Variants in PTPRD observed in about 807,000 individuals in gnomAD.
PTPRD encodes protein tyrosine phosphatase receptor type D, also known as receptor-type tyrosine-protein phosphatase delta.
PTPRD carries 34 observed loss-of-function variants against 214.5 expected under a neutral mutation model. The observed-to-expected ratio is 0.16, with a 90% confidence interval of 0.12 to 0.21. The LOEUF (loss-of-function observed/expected upper bound fraction) is 0.21, where lower values mean the gene tolerates loss of function less well. Ranked by LOEUF, PTPRD falls within the 10% of genes least tolerant of loss-of-function variation. The pLI, the probability that PTPRD is intolerant of heterozygous loss-of-function variation, is 1.00. For missense variants in PTPRD, 2,545 were observed against 2,398.7 expected, an observed-to-expected ratio of 1.06 and a Z score of -1.27; for synonymous variants, 1,128 against 845.7, an observed-to-expected ratio of 1.33 and a Z score of -5.79.
At chr9:9,825,091 A>G (rs1269498761) in intron 5 of PTPRD, among the ~76,000 whole-genome samples, 1 of 151,974 alleles carries the variant, frequency 6.6e-6, no homozygotes, top group Non-Finnish European at 1.5e-5. Flanking sequence ...AAATGTGATC[A>G]TCTGATACTG....
chr9:8,634,666 T>C (rs1214951390), intron 13 of PTPRD, among the ~76,000 whole-genome samples: 1 of 152,068 alleles, frequency 6.6e-6, no homozygotes, highest in African/African-American at 2.4e-5. Context: ...AAAAGTTTCA[T>C]AGTTTCATAT....
At chr9:8,935,439 G>A (rs1326150615) in intron 11 of PTPRD, among the ~76,000 whole-genome samples, 2 of 123,680 alleles carry the variant, frequency 1.6e-5, no homozygotes, top group Non-Finnish European at 3.5e-5. Context: ...AAACACTGTG[G>A]TGCCTACCTT....
At chr9:10,096,147 C>T (rs2098481700) in intron 3 of PTPRD, among the ~76,000 whole-genome samples, 2 of 151,624 alleles carry the variant, frequency 1.3e-5, no homozygotes, top group Admixed American at 6.6e-5. Flanking sequence ...AAATATCATA[C>T]AGGCAATAAT....
At chr9:8,928,335 G>T (rs567632354) in intron 11 of PTPRD, among the ~76,000 whole-genome samples, 1 of 152,056 alleles carries the variant, frequency 6.6e-6, no homozygotes, top group Non-Finnish European at 1.5e-5. Context: ...TATGGTTTTA[G>T]GTCTAACATT....
intron 3 of PTPRD, among the ~76,000 whole-genome samples, chr9:10,151,332 G>A (rs1247686551): frequency 2.3e-5 from 3 of 133,128 alleles, no homozygotes; most frequent in East Asian, 2.3e-4. Context: ...GTGCGATCTC[G>A]GCTCACTGCA....
intron 9 of PTPRD, among the ~76,000 whole-genome samples, chr9:9,317,065 A>C (rs1281571730): frequency 2.0e-5 from 3 of 152,178 alleles, no homozygotes; most frequent in Non-Finnish European, 2.9e-5. Context: ...CTGATCTAGA[A>C]GCTTGTTTCA....
intron 14 of PTPRD, among the ~76,000 whole-genome samples, chr9:8,590,841 C>G (rs2094040472): frequency 6.6e-6 from 1 of 152,170 alleles, no homozygotes; most frequent in Admixed American, 6.5e-5. Flanking sequence ...CTGTCACAAA[C>G]TCGATGGCTT....
intron 4 of PTPRD, among the ~76,000 whole-genome samples, chr9:9,972,862 T>C (rs2095190901): frequency 1.3e-5 from 2 of 152,158 alleles, no homozygotes. Context: ...AGCCTTCTGA[T>C]TACATTTTGC....
intron 35 of PTPRD, among the ~76,000 whole-genome samples, chr9:8,411,396 C>T (rs1003419616): frequency 2.0e-5 from 3 of 151,936 alleles, no homozygotes; most frequent in Admixed American, 1.3e-4. Flanking sequence ...CTCTGCCTCC[C>T]GGGTTCAAGC....
In PTPRD at chr9:8,471,089, C is replaced by A; in HGVS notation, c.3414-4G>T. ...CACAATTATTATGTAGTAACCTCTGCACAAGAATGAATAGATAAAAGTTAG... is the reference window on the plus strand; with the variant it reads ...CACAATTATTATGTAGTAACCTCTGAACAAGAATGAATAGATAAAAGTTAG... On this transcript the variant is annotated splice_polypyrimidine_tract_variant and splice_region_variant and intron_variant, in intron 30 of 45. Transcript: ENST00000381196. The A allele has an allele frequency of 6.2e-7, 1 of 1,611,486 alleles. No homozygotes were observed. The highest frequency in any genetic ancestry group is 8.5e-7 in the Non-Finnish European group (1 of 1,177,814).
At chr9:9,601,169 GGAGA>G (rs982097736) in intron 7 of PTPRD, among the ~76,000 whole-genome samples, 2 of 148,284 alleles carry the variant, frequency 1.3e-5, no homozygotes, top group African/African-American at 2.5e-5. Context: ...GGGAGAGTGG[GGAGA>G]GAGAGAGAAA....
chr9:10,217,740 T>C (rs2099548035), intron 3 of PTPRD, among the ~76,000 whole-genome samples: 1 of 151,952 alleles, frequency 6.6e-6, no homozygotes, highest in African/African-American at 2.4e-5. Context: ...TATATAATAA[T>C]GGCCTATCAT....
intron 12 of PTPRD, among the ~76,000 whole-genome samples, chr9:8,647,620 A>C (rs1320411334): frequency 2.0e-5 from 3 of 152,196 alleles, no homozygotes; most frequent in Non-Finnish European, 4.4e-5. Flanking sequence ...ACATATATGT[A>C]ATTCCTATAT....
chr9:8,577,413 A>G (rs1252592226), intron 14 of PTPRD, among the ~76,000 whole-genome samples: 2 of 151,912 alleles, frequency 1.3e-5, no homozygotes, highest in African/African-American at 2.4e-5. Context: ...GTGCCACCAC[A>G]CCCAGAAAAA....
intron 11 of PTPRD, among the ~76,000 whole-genome samples, chr9:8,841,715 A>AAG (rs2097561502): frequency 6.6e-6 from 1 of 151,516 alleles, no homozygotes; most frequent in African/African-American, 2.4e-5. Flanking sequence ...AGTGACTTAA[A>AAG]AAAAAAATGA....
intron 8 of PTPRD, among the ~76,000 whole-genome samples, chr9:9,501,856 C>T (rs575276631): frequency 2.7e-4 from 41 of 151,806 alleles, no homozygotes; most frequent in African/African-American, 8.4e-4. Context: ...ATATAGTAAA[C>T]GGAAAAATAT....
chr9:10,403,227 A>AATATAT (rs58712564), intron 2 of PTPRD, among the ~76,000 whole-genome samples: 2,921 of 59,774 alleles, frequency 0.049, 295 homozygotes, highest in East Asian at 0.27. Flanking sequence ...TGTGTGTGTA[A>AATATAT]ATATATATAT....
At chr9:9,746,308 G>T (rs1243841603) in intron 6 of PTPRD, among the ~76,000 whole-genome samples, 1 of 152,096 alleles carries the variant, frequency 6.6e-6, no homozygotes, top group Admixed American at 6.6e-5. Context: ...ATCATTACTA[G>T]ATTGGAAAGT....
At chr9:8,673,262 T>C (rs190561792) in intron 12 of PTPRD, among the ~76,000 whole-genome samples, 422 of 152,218 alleles carry the variant, frequency 2.8e-3, no homozygotes, top group African/African-American at 9.2e-3. Flanking sequence ...AAGTAGAAAT[T>C]GCACAAAACA....
Sources: allele counts gnomAD v4.1 joint callset (sites outside exome capture counted in the v4.1 genomes callset), GRCh38; gene constraint gnomAD v4.1.1; transcripts MANE v1.5; gene names NCBI Gene and HGNC (gene_info 2026-07-23, HGNC 2026-07-21).